GTF2IRD1: variants seen among roughly 807,000 people sequenced by gnomAD.
The protein encoded by GTF2IRD1 is GTF2I repeat domain containing 1.
GTF2IRD1 carries 26 observed loss-of-function variants against 113.2 expected under a neutral mutation model. The ratio of observed to expected loss-of-function variants is 0.23; its 90% CI spans 0.17 to 0.32. The LOEUF is 0.32. GTF2IRD1 is among the 10% of genes least tolerant of loss of function. The pLI, the probability that GTF2IRD1 is intolerant of heterozygous loss-of-function variation, is 1.00. For synonymous variants in GTF2IRD1, 484 were observed against 529.1 expected, an observed-to-expected ratio of 0.91 and a Z score of 1.17; for missense variants, 864 against 1,280.8, an observed-to-expected ratio of 0.67 and a Z score of 4.97.
At chr7:74,552,965 G>A (rs1562863747) in intron 17 of GTF2IRD1, among the ~76,000 whole-genome samples, 2 of 152,106 alleles carry the variant, frequency 1.3e-5, no homozygotes, top group Non-Finnish European at 2.9e-5. Context: ...AGCCTCCTGA[G>A]TAGCTGGGAT....
At chr7:74,496,316 G>A (rs1368357372) in intron 1 of GTF2IRD1, among the ~76,000 whole-genome samples, 1 of 148,280 alleles carries the variant, frequency 6.7e-6, no homozygotes, top group African/African-American at 2.5e-5. Context: ...GTGGGGGTGG[G>A]GGTGTGCATG....
chr7:74,570,609 A>G (rs1474860691), intron 22 of GTF2IRD1, among the ~76,000 whole-genome samples: 3 of 152,192 alleles, frequency 2.0e-5, no homozygotes, highest in Admixed American at 6.5e-5. Flanking sequence ...AGCTGTGATC[A>G]CACCACTGCA....
intron 9 of GTF2IRD1, among the ~76,000 whole-genome samples, chr7:74,532,849 T>C (rs915844321): frequency 1.3e-5 from 2 of 152,192 alleles, no homozygotes; most frequent in East Asian, 3.9e-4. Flanking sequence ...TTGTCAGGTA[T>C]GCAGGCTGGG....
intron 1 of GTF2IRD1, among the ~76,000 whole-genome samples, chr7:74,469,236 G>A (rs191373521): frequency 0.016 from 2,442 of 152,134 alleles, 67 homozygotes; most frequent in African/African-American, 0.055. Context: ...TGTCTCCAGA[G>A]ACTTGATTCT....
chr7:74,575,047 G>A lies in GTF2IRD1; in HGVS notation c.2321-14804G>A, dbSNP rs587761415. Among the ~76,000 whole-genome samples the A allele has an allele frequency of 1.6e-4, 25 of 152,208 alleles. No individual in the cohort carries two copies. The East Asian group carries it at 1.9e-3, about 12-fold the overall frequency. ...GGAAGTTGCAGTGAGCCGAGATTGC[G>A]CCATTGCGCTCCAGCTTGGGCAACA... On this transcript the variant is annotated intron_variant, in intron 22 of 26. Transcript: ENST00000424337.
Position 74,602,415 on chromosome 7 carries a change from G to T in GTF2IRD1, c.2817G>T (p.Pro939=). 6.2e-7 allele frequency: 1 copy of T among 1,613,430 alleles called. No homozygotes were observed. Among genetic ancestry groups the T allele is most frequent in the Middle Eastern group, 1.6e-4 (1 of 6,062 alleles). The change falls in exon 27 of 27, where the codon CCG becomes CCT. Residue 939 remains proline (P), a synonymous_variant. Coordinates refer to ENST00000424337, the MANE Select transcript of GTF2IRD1 (RefSeq NM_005685.4). ...ATGCCGGCCTGAACGTGCAGCTCCC[G>T]GGACCTCTTAATTACTAGACCTCAG... ...VDYAGLNVQL[P]GPLNY
intron 9 of GTF2IRD1, 87 bp from the exon 10 acceptor site, chr7:74,535,026 C>T: frequency 2.7e-6 from 3 of 1,104,556 alleles, no homozygotes; most frequent in Non-Finnish European, 4.2e-6. Flanking sequence ...GTGACCATCA[C>T]CAAAGGGGAC....
At position 74,524,795 on chromosome 7, in the gene GTF2IRD1, G is replaced by A. The variant is rs147344788; in HGVS notation, c.1090+641G>A. 6.4e-3 allele frequency among the ~76,000 whole-genome samples: 976 copies of A among 152,300 alleles called. 9 individuals carry two copies. The highest frequency in any genetic ancestry group is 0.037 in the Middle Eastern group (11 of 294). On this transcript the variant is annotated intron_variant, in intron 8 of 26. Coordinates refer to ENST00000424337, the MANE Select transcript of GTF2IRD1 (RefSeq NM_005685.4). ...CACCAGAATCACTGGAACCTAGGAG[G>A]TGCAGGTTGCAGTGAGTCGAGATCG... is the stretch of plus-strand genomic sequence containing the variant.
At chr7:74,601,623 T>C in intron 26 of GTF2IRD1, 2 of 470,870 alleles carry the variant, frequency 4.2e-6, no homozygotes, top group Non-Finnish European at 3.4e-6. Context: ...AAATACAAAA[T>C]TAGCCGGGCA....
intron 10 of GTF2IRD1, among the ~76,000 whole-genome samples, 172 bp downstream of exon 10, chr7:74,535,310 T>G (rs781818456): frequency 7.2e-5 from 11 of 152,102 alleles, no homozygotes; most frequent in Non-Finnish European, 1.6e-4. Context: ...GGCTTCTAGG[T>G]GCTGACAGAC....
At chr7:74,462,656 C>T (rs1253923575) in intron 1 of GTF2IRD1, among the ~76,000 whole-genome samples, 2 of 152,162 alleles carry the variant, frequency 1.3e-5, no homozygotes, top group African/African-American at 2.4e-5. Flanking sequence ...TCCTCTTTCT[C>T]ATTTTCACAA....
chr7:74,459,542 G>C (rs1554328514), intron 1 of GTF2IRD1, among the ~76,000 whole-genome samples: 1 of 152,106 alleles, frequency 6.6e-6, no homozygotes, highest in African/African-American at 2.4e-5. Context: ...GTCTTAGGGA[G>C]TGTCTCAGGC....
intron 22 of GTF2IRD1, among the ~76,000 whole-genome samples, chr7:74,566,709 G>A (rs1291562349): frequency 6.6e-6 from 1 of 152,192 alleles, no homozygotes; most frequent in Non-Finnish European, 1.5e-5. Context: ...CCAAGTAGCT[G>A]GCCTTATTGG....
At chr7:74,540,346 A>G (rs797037994) in intron 14 of GTF2IRD1, among the ~76,000 whole-genome samples, 2 of 151,844 alleles carry the variant, frequency 1.3e-5, no homozygotes, top group South Asian at 4.2e-4. Flanking sequence ...GGCTTTCGCT[A>G]TGTTGGTCAG....
chr7:74,591,105 C>A, intron 24 of GTF2IRD1, 88 bp downstream of exon 24: 2 of 824,310 alleles, frequency 2.4e-6, no homozygotes, highest in Non-Finnish European at 4.0e-6. Context: ...CAGCTGGGAT[C>A]CAGACCCAGG....
At chr7:74,457,535 T>A (rs1241343075) in intron 1 of GTF2IRD1, among the ~76,000 whole-genome samples, 2 of 152,004 alleles carry the variant, frequency 1.3e-5, no homozygotes, top group Non-Finnish European at 2.9e-5. Flanking sequence ...CTGGTAGGAG[T>A]CCCAGGGTCT....
intron 1 of GTF2IRD1, among the ~76,000 whole-genome samples, chr7:74,459,916 CG>C (rs1401071229): frequency 6.7e-6 from 1 of 149,202 alleles, no homozygotes; most frequent in African/African-American, 2.5e-5. Context: ...GTGGAGGCCC[CG>C]GGGATGATCT....
At position 74,575,006 on chromosome 7, in the gene GTF2IRD1, C is replaced by G. The variant is rs587732773; in HGVS notation, c.2321-14845C>G. ...TTGGGAGGCTGAGGCAGGAGAATCGCTTGAACCCGGGAGGTGGAAGTTGCA... is the reference window on the plus strand; with the variant it reads ...TTGGGAGGCTGAGGCAGGAGAATCGGTTGAACCCGGGAGGTGGAAGTTGCA... On this transcript the variant is annotated intron_variant, in intron 22 of 26. Coordinates refer to ENST00000424337, the MANE Select transcript of GTF2IRD1 (RefSeq NM_005685.4). 5.3e-5 allele frequency among the ~76,000 whole-genome samples: 8 copies of G among 152,202 alleles called. No homozygotes were observed. In the East Asian group the frequency reaches 1.5e-3, roughly 29 times the overall value.
At chr7:74,589,961 G>A (rs782324514) in intron 23 of GTF2IRD1, 33 bp downstream of exon 23, 8 of 1,439,906 alleles carry the variant, frequency 5.6e-6, no homozygotes, top group Non-Finnish European at 6.8e-6. Context: ...AGCACACCAA[G>A]CCCTCCTCCC....
Sources: allele counts gnomAD v4.1 joint callset (sites outside exome capture counted in the v4.1 genomes callset), GRCh38; gene constraint gnomAD v4.1.1; transcripts MANE v1.5; gene names NCBI Gene and HGNC (gene_info 2026-07-23, HGNC 2026-07-21).